Variants in DCAF6 observed in about 807,000 individuals in gnomAD.
DCAF6 encodes the protein DDB1- and CUL4-associated factor 6.
In DCAF6, 54 loss-of-function variants were observed where a neutral mutation model predicts 125.1. The ratio of observed to expected loss-of-function variants is 0.43; its 90% CI spans 0.35 to 0.54. The LOEUF (loss-of-function observed/expected upper bound fraction) is 0.54. DCAF6 is among the 20% of genes least tolerant of loss of function. The pLI is 0.01. For synonymous variants in DCAF6, 371 were observed against 390.4 expected, an observed-to-expected ratio of 0.95 and a Z score of 0.58; for missense variants, 934 against 1,161.7, an observed-to-expected ratio of 0.80 and a Z score of 2.85.
intron 12 of DCAF6, among the ~76,000 whole-genome samples, chr1:168,030,501 A>C (rs1453489555): frequency 6.6e-6 from 1 of 152,204 alleles, no homozygotes; most frequent in Non-Finnish European, 1.5e-5. Flanking sequence ...CTCTGAATGG[A>C]GTATGGAGAA....
intron 3 of DCAF6, among the ~76,000 whole-genome samples, chr1:167,973,167 C>G (rs150522814): frequency 2.0e-3 from 311 of 152,330 alleles, no homozygotes; most frequent in African/African-American, 7.2e-3. Context: ...TAATTACTCT[C>G]TCTGTTTCAT....
chr1:168,074,783 A>G (rs1042728960), intron 21 of DCAF6, among the ~76,000 whole-genome samples: 5 of 152,146 alleles, frequency 3.3e-5, no homozygotes, highest in African/African-American at 4.8e-5. Flanking sequence ...AAAGTATCCC[A>G]AGCAGAGGAA....
chr1:167,974,605 A>G (rs940906843), intron 3 of DCAF6, among the ~76,000 whole-genome samples: 3 of 152,158 alleles, frequency 2.0e-5, no homozygotes, highest in Non-Finnish European at 2.9e-5. Context: ...TTTTCATGAT[A>G]CTGTTCCTGT....
intron 2 of DCAF6, among the ~76,000 whole-genome samples, chr1:167,960,012 T>C (rs1675328367): frequency 6.6e-6 from 1 of 152,246 alleles, no homozygotes; most frequent in Non-Finnish European, 1.5e-5. Flanking sequence ...AGGTCTGTGA[T>C]CTATTTTGAA....
intron 1 of DCAF6, among the ~76,000 whole-genome samples, chr1:167,951,023 T>C (rs1022338628): frequency 1.3e-5 from 2 of 152,234 alleles, no homozygotes; most frequent in Non-Finnish European, 2.9e-5. Context: ...CCTTACTCCC[T>C]ACCTGCAGTC....
At chr1:168,029,244 G>C (rs1403248575) in intron 12 of DCAF6, among the ~76,000 whole-genome samples, 1 of 152,136 alleles carries the variant, frequency 6.6e-6, no homozygotes, top group Non-Finnish European at 1.5e-5. Flanking sequence ...GACTAGCACT[G>C]TGTTAAGAAT....
the DCAF6 span, among the ~76,000 whole-genome samples, chr1:167,864,589 G>A: frequency 6.6e-6 from 1 of 152,100 alleles, no homozygotes; most frequent in Non-Finnish European, 1.5e-5. Flanking sequence ...AAGTCAAAGA[G>A]AGAGAGAGGG....
At chr1:168,067,810 C>T (rs1048182240) in intron 20 of DCAF6, among the ~76,000 whole-genome samples, 1 of 152,012 alleles carries the variant, frequency 6.6e-6, no homozygotes, top group Non-Finnish European at 1.5e-5. Flanking sequence ...TTCCTTTGCT[C>T]ATGGTTACAT....
intron 8 of DCAF6, among the ~76,000 whole-genome samples, chr1:168,003,272 A>G (rs1258198846): frequency 3.3e-5 from 5 of 152,182 alleles, no homozygotes; most frequent in Admixed American, 1.3e-4. Context: ...TTTGAATTTG[A>G]CATTACACTT....
chr1:167,910,286 A>C, the DCAF6 span, among the ~76,000 whole-genome samples: 9 of 152,372 alleles, frequency 5.9e-5, no homozygotes, highest in Non-Finnish European at 8.8e-5. Context: ...TTTAAGATAC[A>C]TAAAAGTGTT....
chr1:167,905,284 C>A, the DCAF6 span: 3 of 1,023,940 alleles, frequency 2.9e-6, no homozygotes, highest in Non-Finnish European at 3.0e-6. Flanking sequence ...TTTGTTCTAA[C>A]CTGCGGCCTG....
intron 10 of DCAF6, among the ~76,000 whole-genome samples, chr1:168,014,613 T>C (rs1038148175): frequency 2.7e-4 from 41 of 152,346 alleles, no homozygotes; most frequent in African/African-American, 7.9e-4. Flanking sequence ...GTTTCTCCAT[T>C]GTTCCCTGCC....
intron 21 of DCAF6, among the ~76,000 whole-genome samples, chr1:168,074,607 G>A (rs1693582244): frequency 6.6e-6 from 1 of 152,100 alleles, no homozygotes; most frequent in South Asian, 2.1e-4. Flanking sequence ...GACTATTACT[G>A]TAATTAGGAT....
At chr1:167,936,197 C>T (rs193142916), upstream of DCAF6, 98 of 262,152 alleles carry the variant, frequency 3.7e-4, no homozygotes, top group Admixed American at 2.3e-3. Flanking sequence ...CCATGATTGG[C>T]CCGCCCCGAG....
At chr1:168,066,668 TATA>T (rs1402277598) in intron 20 of DCAF6, among the ~76,000 whole-genome samples, 5 of 152,028 alleles carry the variant, frequency 3.3e-5, no homozygotes, top group African/African-American at 9.7e-5. Flanking sequence ...GCTTACTAAT[TATA>T]ATATTCATCA....
chr1:168,008,064 G>C (rs1417033843), intron 10 of DCAF6, among the ~76,000 whole-genome samples: 1 of 148,228 alleles, frequency 6.7e-6, no homozygotes, highest in Non-Finnish European at 1.5e-5. Flanking sequence ...CCCCCTCCTG[G>C]GTTCAAGCAA....
At chr1:167,962,385 A>T (rs1273167509) in intron 2 of DCAF6, among the ~76,000 whole-genome samples, 1 of 151,838 alleles carries the variant, frequency 6.6e-6, no homozygotes. Context: ...TTAAGCACAT[A>T]CATGTTAGGG....
At chr1:167,917,564 C>A in the DCAF6 span, 1 of 147,446 alleles carries the variant, frequency 6.8e-6, no homozygotes, top group African/African-American at 2.5e-5. Flanking sequence ...TGCCACTGCA[C>A]TCCAGCCTGG....
chr1:168,044,866 A>T, intron 15 of DCAF6, 34 bp from the exon 16 acceptor site: 1 of 1,599,686 alleles, frequency 6.3e-7, no homozygotes, highest in Non-Finnish European at 8.5e-7. Context: ...TGCCCACATT[A>T]CCACCTGTTA....
Sources: gnomAD v4.1 joint callset for allele counts (sites outside exome capture counted in the v4.1 genomes callset) on GRCh38, gnomAD v4.1.1 for gene constraint, MANE v1.5 for transcripts, NCBI Gene and HGNC (gene_info 2026-07-23, HGNC 2026-07-21) for gene names.